Variants in DPCD observed in about 807,000 individuals in gnomAD.
The protein encoded by DPCD is protein DPCD.
In DPCD, 20 loss-of-function variants were observed where a neutral mutation model predicts 26.4. That is an observed-to-expected ratio of 0.76 (90% CI 0.53 to 1.10). The LOEUF is 1.10. Ranked by LOEUF, DPCD falls within the 50% of genes least tolerant of loss-of-function variation. The probability of loss-of-function intolerance (pLI) is 0.00; values close to 1 mark genes in which losing one functional copy is unlikely to be tolerated. For missense variants in DPCD, 202 were observed against 253.9 expected, an observed-to-expected ratio of 0.80 and a Z score of 1.39; for synonymous variants, 97 against 94.2, an observed-to-expected ratio of 1.03 and a Z score of -0.17.
chr10:101,606,559 C>G (rs192860777), intron 4 of DPCD, among the ~76,000 whole-genome samples: 1 of 152,114 alleles, frequency 6.6e-6, no homozygotes, highest in African/African-American at 2.4e-5. Context: ...TCAAGTGATC[C>G]TCCCACCTCA....
chr10:101,597,056 A>G (rs946358736), intron 2 of DPCD, among the ~76,000 whole-genome samples: 3 of 152,078 alleles, frequency 2.0e-5, no homozygotes, highest in African/African-American at 7.2e-5. Flanking sequence ...GCATGTATTC[A>G]TAGAGGAAAA....
intron 4 of DPCD, among the ~76,000 whole-genome samples, chr10:101,602,380 G>A (rs2063704315): frequency 6.6e-6 from 1 of 152,186 alleles, no homozygotes; most frequent in Admixed American, 6.5e-5. Context: ...CCCCATCGCA[G>A]CCCTGGGTGC....
intron 4 of DPCD, 162 bp downstream of exon 4, chr10:101,601,498 A>G (rs1486136411): frequency 5.9e-6 from 1 of 170,932 alleles, no homozygotes; most frequent in Non-Finnish European, 1.2e-5. Context: ...CGGCCTGAAT[A>G]ATGTAATCAG....
At chr10:101,598,288 C>G (rs2063668054) in intron 2 of DPCD, among the ~76,000 whole-genome samples, 3 of 152,000 alleles carry the variant, frequency 2.0e-5, no homozygotes, top group South Asian at 2.1e-4. Context: ...TCATAATTTA[C>G]TTTTTCAGAT....
intron 4 of DPCD, among the ~76,000 whole-genome samples, chr10:101,604,418 T>C (rs1042838399): frequency 6.6e-6 from 1 of 152,222 alleles, no homozygotes; most frequent in African/African-American, 2.4e-5. Flanking sequence ...TATTCTGGAA[T>C]GTGGTTACTA....
At position 101,588,399 on chromosome 10, in the gene DPCD, C is replaced by G; in HGVS notation, c.63C>G (p.Asp21Glu). Residue 21 changes from aspartate (D) to glutamate (E), a missense_variant and splice_region_variant, in exon 1 of 6, where the codon GAC (aspartate) becomes GAG (glutamate). By Grantham distance (45) the Asp-to-Glu change is conservative. Coordinates refer to ENST00000370151, the MANE Select transcript of DPCD (RefSeq NM_015448.3). Reference sequence around the variant, plus strand: ...CCCAGAAGACTGCGCTGCTGCAGGACGGTAACTCGAGGGTCCCCACGGGCT... The same window carrying G: ...CCCAGAAGACTGCGCTGCTGCAGGAGGGTAACTCGAGGGTCCCCACGGGCT... ...RTAQKTALLQDGRRKVHYLFP... is the reference protein window; with the variant it reads ...RTAQKTALLQEGRRKVHYLFP... The G allele has an allele frequency of 5.0e-6, 8 of 1,592,484 alleles. No homozygotes were observed. Among genetic ancestry groups the G allele is most frequent in the East Asian group, 2.3e-5 (1 of 44,202 alleles).
At chr10:101,605,063 G>A in intron 4 of DPCD, 2 of 1,547,188 alleles carry the variant, frequency 1.3e-6, no homozygotes, top group African/African-American at 1.4e-5. Flanking sequence ...GTCTAGCAGG[G>A]GGCGACTGTG....
chr10:101,606,026 T>C (rs1480535476), intron 4 of DPCD, among the ~76,000 whole-genome samples: 13 of 152,188 alleles, frequency 8.5e-5, no homozygotes, highest in Admixed American at 8.5e-4. Context: ...CATCTTTCAT[T>C]GTATGGCTGA....
intron 1 of DPCD, among the ~76,000 whole-genome samples, chr10:101,591,177 A>T (rs370595674): frequency 3.3e-5 from 5 of 152,184 alleles, no homozygotes; most frequent in Admixed American, 6.5e-5. Flanking sequence ...GCTGAGTGAT[A>T]TCCATTGTAT....
chr10:101,607,928 A>T (rs1358353564), intron 4 of DPCD, among the ~76,000 whole-genome samples: 1 of 152,168 alleles, frequency 6.6e-6, no homozygotes, highest in Non-Finnish European at 1.5e-5. Flanking sequence ...GGATCAGACC[A>T]AGGACAAGGA....
At chr10:101,592,409 T>C (rs1043187975) in intron 1 of DPCD, among the ~76,000 whole-genome samples, 15 of 151,984 alleles carry the variant, frequency 9.9e-5, no homozygotes, top group African/African-American at 3.6e-4. Context: ...AACACTTGTT[T>C]GGGAAAACCC....
At chr10:101,592,742 G>C (rs569383681) in intron 1 of DPCD, among the ~76,000 whole-genome samples, 2 of 151,254 alleles carry the variant, frequency 1.3e-5, no homozygotes, top group Non-Finnish European at 2.9e-5. Context: ...TTGGCCGGGC[G>C]TGGTGGCTCA....
At chr10:101,601,022 A>AT (rs1336902275) in intron 3 of DPCD, among the ~76,000 whole-genome samples, 160 bp downstream of exon 3, 1 of 152,142 alleles carries the variant, frequency 6.6e-6, no homozygotes, top group Non-Finnish European at 1.5e-5. Context: ...GAATACAGAC[A>AT]TTTTGGCTTG....
chr10:101,592,979 A>C (rs1589721206), intron 1 of DPCD, among the ~76,000 whole-genome samples: 2 of 151,164 alleles, frequency 1.3e-5, no homozygotes, highest in Admixed American at 6.6e-5. Flanking sequence ...ACACCACTGC[A>C]CTCCAGCCTG....
intron 1 of DPCD, among the ~76,000 whole-genome samples, chr10:101,589,622 G>A (rs1389884487): frequency 6.6e-6 from 1 of 152,050 alleles, no homozygotes. Context: ...GTTCACGCCT[G>A]TAATCCCAGC....
chr10:101,592,488 G>A (rs2063617411), intron 1 of DPCD, among the ~76,000 whole-genome samples: 1 of 152,198 alleles, frequency 6.6e-6, no homozygotes, highest in African/African-American at 2.4e-5. Context: ...GAGAGGCCAA[G>A]GCAGGAGGAT....
intron 2 of DPCD, chr10:101,596,499 A>G (rs866132794): frequency 2.0e-5 from 3 of 152,238 alleles, no homozygotes; most frequent in African/African-American, 7.2e-5. Context: ...TGTCCAATTA[A>G]GAGCCCATGC....
At position 101,594,701 on chromosome 10, in the gene DPCD, G is replaced by T. The variant is rs745622688; in HGVS notation, c.108G>T (p.Met36Ile). 2 of 1,614,210 alleles carry T rather than the reference G, an allele frequency of 1.2e-6. No individual in the cohort carries two copies. Among genetic ancestry groups the T allele is most frequent in the South Asian group, 2.2e-5 (2 of 91,088 alleles). Residue 36 changes from methionine to isoleucine, a missense_variant, in exon 2 of 6, where the codon ATG (methionine) becomes ATT (isoleucine). Met to Ile is a conservative substitution (Grantham distance 10). Transcript: ENST00000370151. ...VHYLFPDGKE[M>I]AEEYDEKTSE... ...ATTTATTCCCAGACGGCAAGGAAAT[G>T]GCTGAAGAATATGACGAGAAGACGA...
In DPCD at chr10:101,588,724, G is replaced by A. The variant is rs921154873; in HGVS notation, c.64+324G>A. 3.1e-6 allele frequency: 3 copies of A among 954,872 alleles called. No individual in the cohort carries two copies. The African/African-American group carries it at 5.3e-5, about 17-fold the overall frequency. 59.1% of individuals were successfully genotyped at this position (954,872 alleles called of 1,614,324 possible). On this transcript the variant is annotated intron_variant, in intron 1 of 5. Coordinates refer to ENST00000370151, the MANE Select transcript of DPCD (RefSeq NM_015448.3). ...CTAATTTTCACCCCGTTTTACAGAA[G>A]AGGAAACTGAAATCCAAGAATGTTT...
Sources: allele counts gnomAD v4.1 joint callset (sites outside exome capture counted in the v4.1 genomes callset), GRCh38; gene constraint gnomAD v4.1.1; transcripts MANE v1.5; gene names NCBI Gene and HGNC (gene_info 2026-07-23, HGNC 2026-07-21).